The following FILIP1 variants were observed in gnomAD, a reference collection of about 807,000 sequenced individuals.
FILIP1 encodes filamin-A-interacting protein 1.
A neutral mutation model predicts 102.1 loss-of-function variants in FILIP1; 61 were observed. The observed-to-expected ratio is 0.60, with a 90% CI of 0.49 to 0.74. FILIP1 has a LOEUF of 0.74. FILIP1 is among the 30% of genes least tolerant of loss of function. FILIP1 has a pLI of 0.00. For missense variants in FILIP1, 1,314 were observed against 1,441.2 expected (o/e 0.91, Z 1.43); for synonymous variants, 491 against 526.9 (o/e 0.93, Z 0.93).
At chr6:75,393,194 A>C (rs1254312441) in intron 2 of FILIP1, among the ~76,000 whole-genome samples, 11 of 152,178 alleles carry the variant, frequency 7.2e-5, no homozygotes. Flanking sequence ...TAACCCAATC[A>C]CTGTCAATAT....
chr6:75,299,999 C>T (rs1772793578), intron 6 of FILIP1, among the ~76,000 whole-genome samples: 1 of 152,116 alleles, frequency 6.6e-6, no homozygotes, highest in Non-Finnish European at 1.5e-5. Context: ...TCTGTTTCCT[C>T]CCAGGAGGTC....
chr6:75,488,233 T>C (rs1779850200), intron 1 of FILIP1, among the ~76,000 whole-genome samples: 1 of 152,152 alleles, frequency 6.6e-6, no homozygotes. Flanking sequence ...TTCACTTCTG[T>C]GCTGGGAGTT....
At chr6:75,436,789 T>C (rs927759421) in intron 1 of FILIP1, among the ~76,000 whole-genome samples, 2 of 151,990 alleles carry the variant, frequency 1.3e-5, no homozygotes, top group Admixed American at 6.6e-5. Context: ...AGACAAACAA[T>C]GGGAAATGAT....
chr6:75,337,780 C>A (rs1774291882), intron 4 of FILIP1, among the ~76,000 whole-genome samples: 1 of 152,112 alleles, frequency 6.6e-6, no homozygotes, highest in African/African-American at 2.4e-5. Context: ...ATAACATAAT[C>A]CAAAACTTAC....
intron 2 of FILIP1, among the ~76,000 whole-genome samples, chr6:75,407,424 C>T (rs1418307605): frequency 1.3e-5 from 2 of 152,130 alleles, no homozygotes; most frequent in African/African-American, 4.8e-5. Flanking sequence ...GACGGGGTTT[C>T]ACCATGTTAG....
chr6:75,440,985 TC>T (rs1778193696), intron 1 of FILIP1, among the ~76,000 whole-genome samples: 1 of 148,986 alleles, frequency 6.7e-6, no homozygotes, highest in Non-Finnish European at 1.5e-5. Flanking sequence ...GAGTAAAACT[TC>T]CTTTTTTTTT....
intron 1 of FILIP1, among the ~76,000 whole-genome samples, chr6:75,418,023 C>A (rs1012555258): frequency 1.3e-5 from 2 of 152,142 alleles, no homozygotes; most frequent in East Asian, 3.9e-4. Flanking sequence ...CATGGCAAAA[C>A]CCCGTCTCTA....
intron 2 of FILIP1, among the ~76,000 whole-genome samples, chr6:75,394,804 T>C (rs1452350264): frequency 1.3e-5 from 2 of 152,306 alleles, no homozygotes; most frequent in South Asian, 2.1e-4. Context: ...TGTACTGTGT[T>C]GGCAGGAATG....
chr6:75,468,487 T>C (rs1383662744), intron 1 of FILIP1, among the ~76,000 whole-genome samples: 1 of 152,136 alleles, frequency 6.6e-6, no homozygotes, highest in Non-Finnish European at 1.5e-5. Context: ...ATCTTTTAAA[T>C]AGAATACTCG....
Position 75,381,298 on chromosome 6 carries a change from C to T in FILIP1, c.277-18381G>A, listed in dbSNP as rs116225964. On this transcript the variant is annotated intron_variant, in intron 2 of 5. Transcript: ENST00000237172. ...AAGATAGAGTGCAGTAGCTTGATCT[C>T]GGCTCACTGCAATCTCTGCCTCCCG... Among the ~76,000 whole-genome samples the T allele has an allele frequency of 9.1e-3, 1,381 of 151,998 alleles. 13 individuals carry two copies. Among genetic ancestry groups the T allele is most frequent in the African/African-American group, 0.031 (1,282 of 41,462 alleles).
At chr6:75,453,060 C>G (rs1034707204) in intron 1 of FILIP1, among the ~76,000 whole-genome samples, 10 of 152,208 alleles carry the variant, frequency 6.6e-5, no homozygotes, top group African/African-American at 2.4e-4. Context: ...GATGACGCAG[C>G]AGTCTCACCA....
chr6:75,440,718 A>G (rs1778183189), intron 1 of FILIP1, among the ~76,000 whole-genome samples: 1 of 152,170 alleles, frequency 6.6e-6, no homozygotes, highest in Non-Finnish European at 1.5e-5. Context: ...TGGGAGGCTG[A>G]GGCAGGCAAT....
At chr6:75,357,019 C>G (rs149426524) in intron 3 of FILIP1, among the ~76,000 whole-genome samples, 1 of 152,130 alleles carries the variant, frequency 6.6e-6, no homozygotes, top group Non-Finnish European at 1.5e-5. Context: ...CTTTTGGAAA[C>G]TATTTGAAGA....
chr6:75,305,686 G>GT (rs1481726642), downstream of FILIP1, among the ~76,000 whole-genome samples: 2 of 152,184 alleles, frequency 1.3e-5, no homozygotes, highest in African/African-American at 4.8e-5. Flanking sequence ...CACCACCATA[G>GT]TGTGCTGAAA....
intron 1 of FILIP1, among the ~76,000 whole-genome samples, chr6:75,452,578 C>A (rs890408416): frequency 2.6e-5 from 4 of 152,124 alleles, no homozygotes; most frequent in African/African-American, 9.7e-5. Context: ...ACATTGGAAA[C>A]AACTTAGATG....
intron 1 of FILIP1, among the ~76,000 whole-genome samples, chr6:75,428,998 T>A (rs1777726926): frequency 1.3e-5 from 2 of 152,268 alleles, no homozygotes; most frequent in South Asian, 4.1e-4. Context: ...TTTACCACAA[T>A]CCTTATTACT....
At chr6:75,457,313 A>G (rs1310104363) in intron 1 of FILIP1, among the ~76,000 whole-genome samples, 1 of 152,216 alleles carries the variant, frequency 6.6e-6, no homozygotes, top group Non-Finnish European at 1.5e-5. Flanking sequence ...TTGATTATCC[A>G]CTTCTCCACA....
chr6:75,311,629 T>A (rs1170640542), intron 5 of FILIP1, among the ~76,000 whole-genome samples: 8 of 152,154 alleles, frequency 5.3e-5, no homozygotes, highest in Non-Finnish European at 1.0e-4. Flanking sequence ...CCCAAGTAGC[T>A]GGGATTACAG....
intron 1 of FILIP1, among the ~76,000 whole-genome samples, chr6:75,465,868 T>C (rs577410494): frequency 2.6e-5 from 4 of 152,346 alleles, no homozygotes; most frequent in African/African-American, 9.6e-5. Context: ...ATTCTTACAA[T>C]GGTCTACAAG....
Sources: allele counts gnomAD v4.1 joint callset (sites outside exome capture counted in the v4.1 genomes callset), GRCh38; gene constraint gnomAD v4.1.1; transcripts MANE v1.5; gene names NCBI Gene and HGNC (gene_info 2026-07-23, HGNC 2026-07-21).